The following DGKH variants were observed in gnomAD, a reference collection of about 807,000 sequenced individuals.
The protein encoded by DGKH is DAG kinase eta.
In DGKH, 90 loss-of-function variants were observed where a neutral mutation model predicts 159.3. The ratio of observed to expected loss-of-function variants is 0.57; its 90% confidence interval spans 0.48 to 0.67. The LOEUF (loss-of-function observed/expected upper bound fraction) is 0.67, where lower values mean the gene tolerates loss of function less well. DGKH is among the 30% of genes least tolerant of loss of function. The pLI, the probability that DGKH is intolerant of heterozygous loss-of-function variation, is 0.00. For synonymous variants in DGKH, 536 were observed against 553.8 expected (o/e 0.97, Z 0.45); for missense variants, 1,181 against 1,506.1 (o/e 0.78, Z 3.57).
chr13:42,105,214 A>C (rs1201831328), intron 1 of DGKH, among the ~76,000 whole-genome samples: 1 of 152,166 alleles, frequency 6.6e-6, no homozygotes, highest in African/African-American at 2.4e-5. Flanking sequence ...TCTTGCTGTG[A>C]CATCCCATGG....
chr13:42,114,265 G>A (rs1954923494), intron 1 of DGKH, among the ~76,000 whole-genome samples: 1 of 152,150 alleles, frequency 6.6e-6, no homozygotes, highest in Admixed American at 6.5e-5. Flanking sequence ...CACAAAATAG[G>A]CACCTCTGGC....
upstream of DGKH, among the ~76,000 whole-genome samples, chr13:42,045,099 C>T (rs1466619744): frequency 6.6e-6 from 1 of 152,078 alleles, no homozygotes; most frequent in Non-Finnish European, 1.5e-5. Context: ...TGAGACCATC[C>T]TGGGGAAGAT....
Position 42,237,388 on chromosome 13 carries a change from T to C in DGKH, c.*8200T>C, listed in dbSNP as rs1958437383. On this transcript the variant is annotated 3_prime_UTR_variant, in exon 30 of 30. Coordinates refer to ENST00000337343, the MANE Select transcript of DGKH (RefSeq NM_178009.5). ...AATTTTACTGTTGCACAAGCAGTTA[T>C]TGGAAGTGGGGGAAAAAAAGAAAAC... 8.0e-6 allele frequency: 1 copy of C among 125,558 alleles called. No homozygotes were observed. The highest frequency in any genetic ancestry group is 3.0e-5 in the African/African-American group (1 of 33,668). 7.8% of individuals were successfully genotyped at this position (125,558 alleles called of 1,614,324 possible).
At chr13:42,254,051 G>A (rs969350340) in intron 30 of DGKH, among the ~76,000 whole-genome samples, 4 of 150,760 alleles carry the variant, frequency 2.7e-5, no homozygotes, top group African/African-American at 9.8e-5. Context: ...TACCTCTTAA[G>A]ATGTTTCTGG....
intron 1 of DGKH, among the ~76,000 whole-genome samples, chr13:42,111,791 C>T (rs1045381398): frequency 2.0e-5 from 3 of 152,134 alleles, no homozygotes; most frequent in Non-Finnish European, 2.9e-5. Flanking sequence ...TTAGGTCTCG[C>T]GGGGCAGACA....
At chr13:42,113,910 A>G (rs545507130) in intron 1 of DGKH, among the ~76,000 whole-genome samples, 7 of 152,290 alleles carry the variant, frequency 4.6e-5, no homozygotes, top group Admixed American at 1.3e-4. Context: ...GGGGTAAAAC[A>G]TGGGTCTGTG....
chr13:42,241,220 C>T lies in DGKH; in HGVS notation c.*12032C>T, dbSNP rs1276479217. 6.6e-6 allele frequency: 1 copy of T among 152,158 alleles called. No homozygotes were observed. The highest frequency in any genetic ancestry group is 1.5e-5 in the Non-Finnish European group (1 of 68,022). The allele number at this position is 152,158 out of a possible 1,614,324, so 9.4% of individuals were successfully genotyped here. On this transcript the variant is annotated 3_prime_UTR_variant, in exon 30 of 30. Transcript: ENST00000337343. Reference sequence around the variant, plus strand: ...TCTATACTTGGCACTCAATTAGATTCTGGGGATACAGATAAAATAAGACAA... The same window carrying T: ...TCTATACTTGGCACTCAATTAGATTTTGGGGATACAGATAAAATAAGACAA...
At chr13:42,064,890 A>T (rs1018955732) in intron 1 of DGKH, among the ~76,000 whole-genome samples, 16 of 151,774 alleles carry the variant, frequency 1.1e-4, no homozygotes, top group East Asian at 1.9e-4. Flanking sequence ...TTTTTTTTTT[A>T]AATTTACAAA....
At chr13:42,192,434 C>A (rs532397463) in intron 16 of DGKH, among the ~76,000 whole-genome samples, 1 of 152,248 alleles carries the variant, frequency 6.6e-6, no homozygotes, top group South Asian at 2.1e-4. Flanking sequence ...TTGACAGTAA[C>A]AACTACTGGC....
intron 1 of DGKH, among the ~76,000 whole-genome samples, chr13:42,100,622 A>G (rs76125276): frequency 1.0e-3 from 153 of 152,332 alleles, no homozygotes; most frequent in African/African-American, 3.6e-3. Context: ...AATTGACTTC[A>G]TAATATATAA....
chr13:42,195,970 C>G (rs1957194849), intron 17 of DGKH: 1 of 152,138 alleles, frequency 6.6e-6, no homozygotes, highest in South Asian at 2.1e-4. Context: ...GTAAGTATCT[C>G]ACTTTTAAAA....
chr13:42,044,020 A>T (rs528014030), upstream of DGKH: 7 of 151,870 alleles, frequency 4.6e-5, no homozygotes, highest in Non-Finnish European at 1.0e-4. Context: ...ATTTTCTTGT[A>T]TAGATGGGCG....
At chr13:42,153,102 A>ATTAC (rs1346594830) in intron 3 of DGKH, among the ~76,000 whole-genome samples, 1 of 152,194 alleles carries the variant, frequency 6.6e-6, no homozygotes, top group Non-Finnish European at 1.5e-5. Context: ...TTCCTTGCTC[A>ATTAC]TTACTGTTCA....
At chr13:42,120,415 A>C (rs1341859045) in intron 1 of DGKH, among the ~76,000 whole-genome samples, 3 of 152,228 alleles carry the variant, frequency 2.0e-5, no homozygotes, top group African/African-American at 7.2e-5. Context: ...AGTATATTTC[A>C]AACTTTCGAA....
intron 7 of DGKH, among the ~76,000 whole-genome samples, chr13:42,163,388 G>A (rs1342344261): frequency 1.3e-5 from 2 of 152,112 alleles, no homozygotes; most frequent in African/African-American, 4.8e-5. Context: ...GTAATGGGAT[G>A]GCTGGGTCAA....
chr13:42,203,971 A>G (rs1247837330), intron 20 of DGKH, among the ~76,000 whole-genome samples: 2 of 152,188 alleles, frequency 1.3e-5, no homozygotes, highest in African/African-American at 4.8e-5. Flanking sequence ...TTGAATCTGT[A>G]TTCCTCGTAT....
intron 3 of DGKH, chr13:42,140,833 G>A (rs1228138662): frequency 6.6e-6 from 1 of 151,850 alleles, no homozygotes; most frequent in East Asian, 1.9e-4. Context: ...AAAGACAATG[G>A]CTTGTCTCAT....
intron 22 of DGKH, 66 bp from the exon 23 acceptor site, chr13:42,209,265 T>A: frequency 3.2e-6 from 5 of 1,560,622 alleles, no homozygotes; most frequent in Non-Finnish European, 4.3e-6. Flanking sequence ...TACTCAAGCC[T>A]TCATAAAGAT....
rs1184152343 is a variant in DGKH, at chr13:42,236,219, A to G, written c.*7031A>G. On this transcript the variant is annotated 3_prime_UTR_variant, in exon 30 of 30. Transcript: ENST00000337343. ...TTATGTTGTGAAACTTAAGCTTTAT[A>G]TGAAATACATATTCTAGCTCTTTTC... 3 of 152,218 alleles carry G rather than the reference A, an allele frequency of 2.0e-5. No individual in the cohort carries two copies. Among genetic ancestry groups the G allele is most frequent in the Admixed American group, 1.3e-4 (2 of 15,278 alleles). 9.4% of individuals were successfully genotyped at this position (152,218 alleles called of 1,614,324 possible).
Sources: allele counts gnomAD v4.1 joint callset (sites outside exome capture counted in the v4.1 genomes callset), GRCh38; gene constraint gnomAD v4.1.1; transcripts MANE v1.5; gene names NCBI Gene and HGNC (gene_info 2026-07-23, HGNC 2026-07-21).